Variants in CLCN5 observed in about 807,000 individuals in gnomAD.
CLCN5 encodes Cl-/H+ antiporter 5.
In CLCN5, 17 loss-of-function variants were observed where a neutral mutation model predicts 54.0. The observed-to-expected ratio is 0.31, with a 90% CI of 0.22 to 0.47. The LOEUF (loss-of-function observed/expected upper bound fraction) is 0.47. Among genes scored for constraint, CLCN5 ranks in the 20% least tolerant of loss-of-function variants. The pLI, the probability that CLCN5 is intolerant of heterozygous loss-of-function variation, is 1.00. For missense variants in CLCN5, 448 were observed against 646.7 expected, an observed-to-expected ratio of 0.69 and a Z score of 3.33; for synonymous variants, 222 against 233.0, an observed-to-expected ratio of 0.95 and a Z score of 0.43.
At position 50,027,817 on chromosome X, in the gene CLCN5, C is replaced by T. The variant is rs375368430; in HGVS notation, c.17-14499C>T. 4.1e-4 allele frequency among the ~76,000 whole-genome samples: 44 copies of T among 106,854 alleles called. 1 individual carries two copies. The highest frequency in any genetic ancestry group is 3.9e-3 in the East Asian group (13 of 3,369). 92.8% of individuals were successfully genotyped at this position (106,854 alleles called of 115,157 possible). On this transcript the variant is annotated intron_variant, in intron 3 of 14. Coordinates refer to ENST00000376091, the MANE Select transcript of CLCN5 (RefSeq NM_001127898.4). ...GGTAAAAGTGACTGAGGTAAATAGACCTTTAGTATAAGGTTTATGTTTATC... is the reference window on the plus strand; with the variant it reads ...GGTAAAAGTGACTGAGGTAAATAGATCTTTAGTATAAGGTTTATGTTTATC...
rs144370757 is a variant in CLCN5, at chrX:49,965,895, T to C, written c.16+40581T>C. ...ATCATATGGTTTAATAGTCTTTTAA[T>C]ATGGCTAATTACATTGGTTTTCAAA... On this transcript the variant is annotated intron_variant, in intron 3 of 14. Coordinates refer to ENST00000376091, the MANE Select transcript of CLCN5 (RefSeq NM_001127898.4). 7.6e-3 allele frequency among the ~76,000 whole-genome samples: 852 copies of C among 112,306 alleles called. 9 individuals are homozygous for C. Among genetic ancestry groups the C allele is most frequent in the African/African-American group, 0.026 (807 of 30,962 alleles).
intron 3 of CLCN5, among the ~76,000 whole-genome samples, chrX:49,953,671 T>C (rs1164683510): frequency 4.4e-5 from 5 of 112,411 alleles, no homozygotes; most frequent in Non-Finnish European, 3.8e-5. Flanking sequence ...TCCACTGTTA[T>C]TGGATATTTA....
intron 3 of CLCN5, among the ~76,000 whole-genome samples, chrX:49,928,908 G>C (rs1198826278): frequency 2.7e-5 from 3 of 111,985 alleles, no homozygotes; most frequent in Non-Finnish European, 5.6e-5. Flanking sequence ...CTGGGCGACA[G>C]AGCCAGACTC....
At position 50,096,980 on chromosome X, in the gene CLCN5, A is replaced by C; in HGVS notation, c.*4761A>C. Reference sequence around the variant, plus strand: ...ATTTCCTAAACTATAAGGTTTAGATAGATTGTCTTGAATTTTGATAGCAAA... The same window carrying C: ...ATTTCCTAAACTATAAGGTTTAGATCGATTGTCTTGAATTTTGATAGCAAA... On this transcript the variant is annotated 3_prime_UTR_variant, in exon 15 of 15. Transcript: ENST00000376091. 1 of 112,104 alleles carries C rather than the reference A, an allele frequency of 8.9e-6. No individual in the cohort carries two copies. The highest frequency in any genetic ancestry group is 9.5e-5 in the Admixed American group (1 of 10,549). 9.2% of individuals were successfully genotyped at this position (112,104 alleles called of 1,213,427 possible).
intron 6 of CLCN5, among the ~76,000 whole-genome samples, chrX:50,075,398 A>G (rs911737425): frequency 1.2e-4 from 13 of 110,583 alleles, no homozygotes; most frequent in Non-Finnish European, 2.3e-4. Flanking sequence ...ATGTATATGT[A>G]TATATATATA....
chrX:50,050,951 T>C (rs1250878913), intron 4 of CLCN5, among the ~76,000 whole-genome samples: 2 of 111,557 alleles, frequency 1.8e-5, no homozygotes, highest in East Asian at 5.6e-4. Flanking sequence ...CGTGAGCCAC[T>C]GCGCCTGGCC....
chrX:50,086,879 T>C lies in CLCN5; in HGVS notation c.1557+9T>C, dbSNP rs782692269. ...TCACCTTTGGCATGAAGGTGAGGAA[T>C]TCTTTTGGGACTCAGTGGCTGCATG... On this transcript the variant is annotated intron_variant, in intron 11 of 14. Transcript: ENST00000376091. The C allele has an allele frequency of 1.3e-5, 16 of 1,205,363 alleles. No homozygotes were observed. In the South Asian group the frequency reaches 2.5e-4, roughly 19 times the overall value.
intron 9 of CLCN5, among the ~76,000 whole-genome samples, chrX:50,082,874 C>T (rs948168630): frequency 9.0e-6 from 1 of 111,176 alleles, no homozygotes; most frequent in East Asian, 2.8e-4. Flanking sequence ...GAATTAGTTT[C>T]TCTCTGTATT....
chrX:49,979,696 C>T (rs1284713854), intron 3 of CLCN5, among the ~76,000 whole-genome samples: 1 of 110,906 alleles, frequency 9.0e-6, no homozygotes, highest in Non-Finnish European at 1.9e-5. Context: ...GAAAGGTATA[C>T]ATTATGGAAT....
chrX:50,045,862 CT>C (rs56917073), intron 4 of CLCN5, among the ~76,000 whole-genome samples: 1,778 of 112,039 alleles, frequency 0.016, 31 homozygotes, highest in African/African-American at 0.054. Flanking sequence ...ATGGGATTTC[CT>C]AATAAAGACA....
At chrX:50,053,971 C>T (rs1557188652) in intron 4 of CLCN5, among the ~76,000 whole-genome samples, 1 of 110,294 alleles carries the variant, frequency 9.1e-6, no homozygotes. Context: ...TGTCTCTCCT[C>T]TTGATTGTGA....
chrX:50,040,188 G>A (rs782108321), intron 3 of CLCN5, among the ~76,000 whole-genome samples: 2 of 111,689 alleles, frequency 1.8e-5, no homozygotes, highest in Admixed American at 9.5e-5. Flanking sequence ...AGTCCTCTCC[G>A]GAGAAAGGGA....
At chrX:50,068,915 T>C (rs962317886) in intron 4 of CLCN5, among the ~76,000 whole-genome samples, 7 of 112,363 alleles carry the variant, frequency 6.2e-5, no homozygotes, top group African/African-American at 9.7e-5. Flanking sequence ...AGCAAAATCT[T>C]ATTCCATCAG....
At chrX:49,983,648 A>C (rs1384700645) in intron 3 of CLCN5, among the ~76,000 whole-genome samples, 1 of 107,885 alleles carries the variant, frequency 9.3e-6, no homozygotes, top group Non-Finnish European at 1.9e-5. Flanking sequence ...AAAATATATT[A>C]ATATACATAA....
intron 3 of CLCN5, among the ~76,000 whole-genome samples, chrX:49,927,979 C>T (rs1018516530): frequency 8.1e-5 from 9 of 111,273 alleles, no homozygotes; most frequent in South Asian, 3.8e-4. Flanking sequence ...GGTAGAAAGT[C>T]GAATGGTGGT....
intron 4 of CLCN5, among the ~76,000 whole-genome samples, chrX:50,065,490 A>G (rs1176966892): frequency 6.3e-5 from 6 of 95,792 alleles, no homozygotes; most frequent in Admixed American, 2.4e-4. Flanking sequence ...TAGAATGGCA[A>G]TCATGAAAAA....
intron 4 of CLCN5, among the ~76,000 whole-genome samples, chrX:50,062,996 C>G (rs1157962964): frequency 2.7e-5 from 3 of 110,063 alleles, no homozygotes; most frequent in Admixed American, 9.7e-5. Flanking sequence ...ATCTCTGGGA[C>G]GCATTCAAAG....
chrX:50,030,216 G>A (rs782205901), intron 3 of CLCN5, among the ~76,000 whole-genome samples: 21 of 111,812 alleles, frequency 1.9e-4, no homozygotes, highest in Non-Finnish European at 3.6e-4. Flanking sequence ...GCTATATTTA[G>A]ACTTTCCAAT....
intron 3 of CLCN5, among the ~76,000 whole-genome samples, chrX:50,036,390 T>C (rs781942384): frequency 8.0e-5 from 9 of 112,377 alleles, no homozygotes; most frequent in Non-Finnish European, 1.5e-4. Flanking sequence ...ACCCAAACAG[T>C]GAACCAGATA....
Sources: gnomAD v4.1 joint callset for allele counts (sites outside exome capture counted in the v4.1 genomes callset) on GRCh38, gnomAD v4.1.1 for gene constraint, MANE v1.5 for transcripts, NCBI Gene and HGNC (gene_info 2026-07-23, HGNC 2026-07-21) for gene names.